ZMPSTE24: variants seen among roughly 807,000 people sequenced by gnomAD.
ZMPSTE24 encodes CAAX prenyl protease 1 homolog.
In ZMPSTE24, 48 loss-of-function variants were observed where a neutral mutation model predicts 56.7. The observed-to-expected ratio is 0.85, with a 90% confidence interval of 0.67 to 1.08. The LOEUF is 1.08. Ranked by LOEUF, ZMPSTE24 falls within the 50% of genes least tolerant of loss-of-function variation. The probability of loss-of-function intolerance (pLI) is 0.00; values close to 1 mark genes in which losing one functional copy is unlikely to be tolerated. For synonymous variants in ZMPSTE24, 172 were observed against 195.2 expected (o/e 0.88, Z 0.99); for missense variants, 503 against 548.7 (o/e 0.92, Z 0.83).
At chr1:40,281,255 C>A in intron 6 of ZMPSTE24, 88 bp from the exon 7 acceptor site, 1 of 1,253,380 alleles carries the variant, frequency 8.0e-7, no homozygotes, top group Non-Finnish European at 1.2e-6. Flanking sequence ...TGTTAATGTC[C>A]TTTCCAGTAA....
chr1:40,276,854 A>G (rs1293032736), intron 6 of ZMPSTE24, among the ~76,000 whole-genome samples: 3 of 152,238 alleles, frequency 2.0e-5, no homozygotes, highest in Admixed American at 2.0e-4. Flanking sequence ...CAATTGTAGC[A>G]TGATGATTAG....
rs977704244 is a variant in ZMPSTE24 at position 40,258,358 on chromosome 1, A to G, written c.87A>G (p.Thr29=). The G allele has an allele frequency of 4.3e-6, 7 of 1,614,008 alleles. No individual in the cohort carries two copies. The Admixed American group carries it at 8.3e-5, about 19-fold the overall frequency. Residue 29 remains threonine, a synonymous_variant, in exon 1 of 10, where the codon ACA becomes ACG. Transcript: ENST00000372759. ...GGGCCGTGCTGCTCTTTTCCTGGAC[A>G]GTGTATCTTTGGGAGACCTTCCTAG... ...IFGAVLLFSW[T]VYLWETFLAQ...
chr1:40,259,757 C>T (rs1643476828), intron 1 of ZMPSTE24, among the ~76,000 whole-genome samples: 1 of 152,084 alleles, frequency 6.6e-6, no homozygotes, highest in South Asian at 2.1e-4. Flanking sequence ...ACCACAGGTG[C>T]GGATCACTGT....
intron 2 of ZMPSTE24, among the ~76,000 whole-genome samples, chr1:40,264,102 T>TG (rs1056499566): frequency 6.6e-6 from 1 of 151,850 alleles, no homozygotes; most frequent in Non-Finnish European, 1.5e-5. Context: ...GAGGCCGAGG[T>TG]GGGGGCGGAT....
intron 4 of ZMPSTE24, among the ~76,000 whole-genome samples, chr1:40,269,727 A>C (rs945667971): frequency 1.1e-4 from 16 of 152,170 alleles, no homozygotes; most frequent in African/African-American, 3.9e-4. Flanking sequence ...AGGCCTTCCA[A>C]AGTGCTGGAA....
At chr1:40,271,554 T>C (rs1643614273) in intron 5 of ZMPSTE24, among the ~76,000 whole-genome samples, 1 of 152,254 alleles carries the variant, frequency 6.6e-6, no homozygotes, top group Admixed American at 6.5e-5. Context: ...CTGCGTGTTA[T>C]GATTGACTCA....
rs185542190 is a variant in ZMPSTE24 at position 40,258,845 on chromosome 1, A to C, written c.123+451A>C. 7.1e-3 allele frequency among the ~76,000 whole-genome samples: 1,005 copies of C among 141,402 alleles called. 8 individuals are homozygous for C. The highest frequency in any genetic ancestry group is 0.031 in the African/African-American group (973 of 31,196). The allele number at this position is 141,402 out of a possible 152,430, so 92.8% of individuals were successfully genotyped here. A position where few individuals can be genotyped will look rare whatever the true frequency, so the allele number is the denominator to read the frequency against. On this transcript the variant is annotated intron_variant, in intron 1 of 9. Coordinates refer to ENST00000372759, the MANE Select transcript of ZMPSTE24 (RefSeq NM_005857.5). ...AAGTGCATATATTGTTTCTGCTTGA[A>C]AAAACAAACAAACAAACAAAAAACT...
At chr1:40,272,204 T>C (rs936613355) in intron 6 of ZMPSTE24, among the ~76,000 whole-genome samples, 169 bp downstream of exon 6, 2 of 152,222 alleles carry the variant, frequency 1.3e-5, no homozygotes, top group Non-Finnish European at 1.5e-5. Flanking sequence ...TTTACAGAAA[T>C]TGATAACATA....
At chr1:40,281,264 A>T in intron 6 of ZMPSTE24, 79 bp from the exon 7 acceptor site, 1 of 1,312,234 alleles carries the variant, frequency 7.6e-7, no homozygotes, top group Non-Finnish European at 1.1e-6. Context: ...CCTTTCCAGT[A>T]ATTCAATTTC....
At chr1:40,291,085 C>CA in intron 9 of ZMPSTE24, 88 bp downstream of exon 9, 1 of 1,529,516 alleles carries the variant, frequency 6.5e-7, no homozygotes, top group East Asian at 2.3e-5. Context: ...GGAAATAGAA[C>CA]AGTACAGTTT....
At chr1:40,258,677 G>A (rs2124573966) in intron 1 of ZMPSTE24, among the ~76,000 whole-genome samples, 1 of 152,246 alleles carries the variant, frequency 6.6e-6, no homozygotes, top group African/African-American at 2.4e-5. Flanking sequence ...TGGGATCCTT[G>A]GGCCCAGACT....
intron 8 of ZMPSTE24, among the ~76,000 whole-genome samples, chr1:40,290,160 G>C (rs1193572352): frequency 6.6e-6 from 1 of 152,024 alleles, no homozygotes; most frequent in African/African-American, 2.4e-5. Flanking sequence ...CAGGTGGGTG[G>C]ATCATCTGAG....
Position 40,281,400 on chromosome 1 carries a change from G to A in ZMPSTE24, c.827G>A (p.Arg276Gln), listed in dbSNP as rs747497620. The A allele has an allele frequency of 1.2e-5, 20 of 1,613,886 alleles. No individual in the cohort carries two copies. Among genetic ancestry groups the A allele is most frequent in the East Asian group, 8.9e-5 (4 of 44,868 alleles). The change falls in exon 7 of 10, where the codon CGA becomes CAA. Residue 276 changes from arginine to glutamine, a missense_variant. Arg to Gln is a conservative substitution (Grantham distance 43). Transcript: ENST00000372759. ...TTTTATGGCTTCTTCAAGAACAAGC[G>A]AATAGTTTTGTTTGACACTCTACTA... ...AYFYGFFKNK[R>Q]IVLFDTLLEE...
At chr1:40,273,537 A>AAAAAAAAAAAAATATAT (rs1224234676) in intron 6 of ZMPSTE24, among the ~76,000 whole-genome samples, 2 of 12,384 alleles carry the variant, frequency 1.6e-4, no homozygotes, top group Non-Finnish European at 2.0e-4. Flanking sequence ...AAAAAAAAAA[A>AAAAAAAAAAAAATATAT]ATATATATAT....
At chr1:40,268,321 A>G (rs1643576911) in intron 3 of ZMPSTE24, 98 bp from the exon 4 acceptor site, 1 of 826,428 alleles carries the variant, frequency 1.2e-6, no homozygotes, top group Admixed American at 1.7e-5. Context: ...AATCAAGCAT[A>G]TTGCTTGGGA....
intron 7 of ZMPSTE24, among the ~76,000 whole-genome samples, chr1:40,282,132 G>A (rs1378686906): frequency 6.6e-6 from 1 of 152,176 alleles, no homozygotes; most frequent in East Asian, 1.9e-4. Context: ...TAAGCTTACA[G>A]TCTAAAGGGG....
intron 6 of ZMPSTE24, among the ~76,000 whole-genome samples, chr1:40,274,761 G>A (rs956654173): frequency 1.3e-5 from 2 of 152,174 alleles, no homozygotes; most frequent in African/African-American, 4.8e-5. Flanking sequence ...ATATGTTGTA[G>A]AGACAGGCAA....
chr1:40,261,302 A>G (rs1030246260), intron 2 of ZMPSTE24, among the ~76,000 whole-genome samples: 2 of 152,086 alleles, frequency 1.3e-5, no homozygotes, highest in Non-Finnish European at 2.9e-5. Flanking sequence ...GTAGCATTCT[A>G]TCATTATTCC....
chr1:40,276,152 T>C (rs1394711842), intron 6 of ZMPSTE24, among the ~76,000 whole-genome samples: 1 of 152,132 alleles, frequency 6.6e-6, no homozygotes, highest in East Asian at 1.9e-4. Context: ...ATTCTAATAT[T>C]GGACAAGAAA....
Sources: gnomAD v4.1 joint callset for allele counts (sites outside exome capture counted in the v4.1 genomes callset) on GRCh38, gnomAD v4.1.1 for gene constraint, MANE v1.5 for transcripts, NCBI Gene and HGNC (gene_info 2026-07-23, HGNC 2026-07-21) for gene names.